Variants in OLFML2B observed in about 807,000 individuals in gnomAD.
OLFML2B encodes the protein olfactomedin-like protein 2B.
Under a neutral mutation model 74.9 loss-of-function variants are expected in OLFML2B, and 57 were observed. The observed-to-expected ratio is 0.76, with a 90% confidence interval of 0.61 to 0.95. The LOEUF (loss-of-function observed/expected upper bound fraction) is 0.95, where lower values mean the gene tolerates loss of function less well. Among genes scored for constraint, OLFML2B ranks in the 40% least tolerant of loss-of-function variants. The pLI is 0.00. For missense variants in OLFML2B, 986 were observed against 970.6 expected, an observed-to-expected ratio of 1.02 and a Z score of -0.21; for synonymous variants, 388 against 405.8, an observed-to-expected ratio of 0.96 and a Z score of 0.53.
At position 162,010,609 on chromosome 1, in the gene OLFML2B, G is replaced by A. The variant is rs115605739; in HGVS notation, c.547-4136C>T. On this transcript the variant is annotated intron_variant, in intron 3 of 7. Coordinates refer to ENST00000294794, the MANE Select transcript of OLFML2B (RefSeq NM_015441.3). ...CTGACCTTGTCCAGCTCTTAGACAC[G>A]TGTGCGTGTGCCCGGGTGAGACCGT... is the stretch of plus-strand genomic sequence containing the variant. 9.5e-4 allele frequency among the ~76,000 whole-genome samples: 145 copies of A among 152,270 alleles called. 1 individual carries two copies. Among genetic ancestry groups the A allele is most frequent in the Non-Finnish European group, 1.6e-3 (106 of 68,022 alleles).
intron 1 of OLFML2B, among the ~76,000 whole-genome samples, chr1:162,022,138 G>A (rs895570625): frequency 2.8e-4 from 42 of 151,932 alleles, no homozygotes; most frequent in African/African-American, 9.2e-4. Context: ...TCATCATGCC[G>A]GCTCTGGAGA....
chr1:162,020,304 A>G, intron 1 of OLFML2B, 122 bp from the exon 2 acceptor site: 2 of 1,165,552 alleles, frequency 1.7e-6, no homozygotes, highest in Non-Finnish European at 2.4e-6. Context: ...GAAAACTCTG[A>G]ACCACAGAGC....
chr1:162,011,488 A>G (rs72713803), intron 3 of OLFML2B, among the ~76,000 whole-genome samples: 18,081 of 152,194 alleles, frequency 0.12, 1,158 homozygotes, highest in South Asian at 0.18. Flanking sequence ...CTGGTAAGAG[A>G]GCTGGGGAAG....
intron 3 of OLFML2B, among the ~76,000 whole-genome samples, chr1:162,007,153 A>G (rs757370706): frequency 4.6e-5 from 7 of 152,222 alleles, no homozygotes; most frequent in African/African-American, 7.2e-5. Context: ...ATTTCATTCA[A>G]CCAACACTGG....
At chr1:162,006,596 G>A (rs185240684) in intron 3 of OLFML2B, 123 bp from the exon 4 acceptor site, 519 of 767,432 alleles carry the variant, frequency 6.8e-4, no homozygotes, top group Non-Finnish European at 2.5e-4. Flanking sequence ...CATCCAACAA[G>A]TGATTGGGGC....
chr1:161,999,855 G>A (rs539579202), intron 5 of OLFML2B, among the ~76,000 whole-genome samples: 2 of 152,250 alleles, frequency 1.3e-5, no homozygotes, highest in Non-Finnish European at 2.9e-5. Flanking sequence ...GTACTGGAGG[G>A]CACTGAAGTC....
chr1:162,012,623 G>A (rs948846055), intron 3 of OLFML2B, among the ~76,000 whole-genome samples: 4 of 152,154 alleles, frequency 2.6e-5, no homozygotes, highest in South Asian at 2.1e-4. Flanking sequence ...AGGTAGATTC[G>A]TGAAAAAGGA....
At chr1:162,005,629 C>T (rs1000501152) in intron 4 of OLFML2B, among the ~76,000 whole-genome samples, 10 of 152,134 alleles carry the variant, frequency 6.6e-5, no homozygotes, top group East Asian at 3.8e-4. Flanking sequence ...CAGTGGCCCA[C>T]GCCTGTCATC....
At chr1:162,004,155 G>T (rs937208656) in intron 4 of OLFML2B, among the ~76,000 whole-genome samples, 1 of 152,174 alleles carries the variant, frequency 6.6e-6, no homozygotes, top group Admixed American at 6.5e-5. Context: ...GGAAAGGGGC[G>T]CCTGGCTCCA....
In OLFML2B at chr1:162,020,120, A is replaced by G. The variant is rs746853057; in HGVS notation, c.237T>C (p.Cys79=). Residue 79 remains cysteine (C), a synonymous_variant, in exon 2 of 8, where the codon TGT becomes TGC. Transcript: ENST00000294794. ...MSEGSDCQCK[C]VVRPLGRDAC... ...CATCCCGGCCCAGGGGTCTCACCACACACTTGCACTGACAGTCCGAGCCCT... is the reference window on the plus strand; with the variant it reads ...CATCCCGGCCCAGGGGTCTCACCACGCACTTGCACTGACAGTCCGAGCCCT... 6.2e-7 allele frequency: 1 copy of G among 1,614,012 alleles called. No homozygotes were observed. Among genetic ancestry groups the G allele is most frequent in the Non-Finnish European group, 8.5e-7 (1 of 1,180,020 alleles).
At chr1:162,023,200 T>G in intron 1 of OLFML2B, 57 bp downstream of exon 1, 2 of 1,431,234 alleles carry the variant, frequency 1.4e-6, no homozygotes, top group Admixed American at 4.9e-5. Context: ...AGGACCAGCT[T>G]CTGGCTCTCA....
At chr1:162,004,721 C>T (rs1690172474) in intron 4 of OLFML2B, among the ~76,000 whole-genome samples, 1 of 152,204 alleles carries the variant, frequency 6.6e-6, no homozygotes, top group Non-Finnish European at 1.5e-5. Flanking sequence ...GCCCAGGCAA[C>T]ACAGTCCTGC....
chr1:161,992,061 C>T (rs948249010), intron 6 of OLFML2B, among the ~76,000 whole-genome samples: 1 of 152,200 alleles, frequency 6.6e-6, no homozygotes, highest in Non-Finnish European at 1.5e-5. Context: ...GGCTGTTTTG[C>T]CTACACTGAA....
intron 1 of OLFML2B, among the ~76,000 whole-genome samples, chr1:162,021,610 TG>T (rs1690705175): frequency 6.6e-6 from 1 of 152,230 alleles, no homozygotes; most frequent in Non-Finnish European, 1.5e-5. Context: ...TTGCAAAGAT[TG>T]GGTTTCTTCT....
chr1:161,991,784 A>G (rs1689750163), intron 6 of OLFML2B, among the ~76,000 whole-genome samples: 1 of 152,190 alleles, frequency 6.6e-6, no homozygotes, highest in African/African-American at 2.4e-5. Context: ...AAGGGCTTAA[A>G]TTATTCAGTA....
Position 161,984,199 on chromosome 1 carries a change from A to C in OLFML2B, c.1729T>G (p.Tyr577Asp), listed in dbSNP as rs751505468. The change falls in exon 8 of 8, where the codon TAC (tyrosine) becomes GAC (aspartate). Residue 577 changes from tyrosine (Y) to aspartate (D), a missense_variant. Transcript: ENST00000294794. The stretch of plus-strand genomic sequence containing the variant: ...ATGTTGCGGGTGAAGGCGCGATTGT[A>C]GTAGAAGGCGCCATTGTATACCACG... The part of the protein sequence containing the change: ...GHVVYNGAFY[Y>D]NRAFTRNIIK... 4.4e-6 allele frequency: 7 copies of C among 1,588,342 alleles called. No individual in the cohort carries two copies. In the South Asian group the frequency reaches 8.2e-5, roughly 19 times the overall value.
In OLFML2B at chr1:162,006,404, T is replaced by C. The variant is rs1690232963; in HGVS notation, c.616A>G (p.Met206Val). 1.2e-6 allele frequency: 2 copies of C among 1,612,722 alleles called. No individual in the cohort carries two copies. Among genetic ancestry groups the C allele is most frequent in the African/African-American group, 1.3e-5 (1 of 74,624 alleles). Residue 206 changes from methionine (M) to valine (V), a missense_variant, in exon 4 of 8, where the codon ATG (methionine) becomes GTG (valine). By Grantham distance (21) the Met-to-Val change is conservative. Coordinates refer to ENST00000294794, the MANE Select transcript of OLFML2B (RefSeq NM_015441.3). Reference protein sequence around the residue: ...KEDMEEIRTEMNKRGKENCSE... With the variant: ...KEDMEEIRTEVNKRGKENCSE... ...CAATTTTCTTTGCCTCGCTTATTCA[T>C]CTCGGTTCGAATTTCTTCCATGTCC...
chr1:161,993,817 G>A (rs4657130), intron 6 of OLFML2B, among the ~76,000 whole-genome samples: 84,587 of 151,928 alleles, frequency 0.56, 24,802 homozygotes, highest in Middle Eastern at 0.67. Flanking sequence ...GTGATACGAC[G>A]CCCCTGGACA....
At position 161,984,106 on chromosome 1, in the gene OLFML2B, C is replaced by T; in HGVS notation, c.1822G>A (p.Glu608Lys). 6.2e-7 allele frequency: 1 copy of T among 1,611,426 alleles called. No homozygotes were observed. The highest frequency in any genetic ancestry group is 8.5e-7 in the Non-Finnish European group (1 of 1,178,152). ...WAMLHDVAYE[E>K]ATPWRWQGHS... is the part of the protein sequence containing the mutation. ...CCCTGCCATCGCCAGGGGGTGGCCT[C>T]CTCGTAGGCCACGTCATGCAGCATG... The change falls in exon 8 of 8, where the codon GAG (glutamate) becomes AAG (lysine). Residue 608 changes from glutamate to lysine, a missense_variant. By Grantham distance (56) the Glu-to-Lys change is moderately conservative (BLOSUM62 1). Coordinates refer to ENST00000294794, the MANE Select transcript of OLFML2B (RefSeq NM_015441.3).
Sources: allele counts gnomAD v4.1 joint callset (sites outside exome capture counted in the v4.1 genomes callset), GRCh38; gene constraint gnomAD v4.1.1; transcripts MANE v1.5; gene names NCBI Gene and HGNC (gene_info 2026-07-23, HGNC 2026-07-21).